Variants in SCARA5 observed in about 807,000 individuals in gnomAD.
SCARA5 encodes the protein scavenger receptor class A, member 5 (putative).
A neutral mutation model predicts 46.3 loss-of-function variants in SCARA5; 45 were observed. The observed-to-expected ratio is 0.97, with a 90% CI of 0.76 to 1.24. The LOEUF is 1.24. Ranked by LOEUF, SCARA5 falls within the 50% of genes most tolerant of loss-of-function variation. SCARA5 has a pLI of 0.00. For synonymous variants in SCARA5, 333 were observed against 306.5 expected (o/e 1.09, Z -0.90); for missense variants, 680 against 689.0 (o/e 0.99, Z 0.15).
chr8:27,930,065 A>G (rs746681444), intron 3 of SCARA5, among the ~76,000 whole-genome samples: 1 of 152,164 alleles, frequency 6.6e-6, no homozygotes, highest in Non-Finnish European at 1.5e-5. Flanking sequence ...GGCAGATAGT[A>G]TCACCGCTTC....
At chr8:27,954,569 T>C (rs1808178698) in intron 3 of SCARA5, among the ~76,000 whole-genome samples, 1 of 152,218 alleles carries the variant, frequency 6.6e-6, no homozygotes, top group African/African-American at 2.4e-5. Flanking sequence ...TACTCCTTTG[T>C]GTTAACTGTC....
In SCARA5 at chr8:27,922,186, G is replaced by A. The variant is rs764161912; in HGVS notation, c.301C>T (p.Leu101=). Residue 101 remains leucine, a synonymous_variant, in exon 4 of 9, where the codon CTG becomes TTG. Transcript: ENST00000354914. The part of the protein sequence containing the change: ...LKALTRNVNR[L]NESFRDLQLR... Reference sequence around the variant, plus strand: ...TGCAAGTCCCGGAAGCTCTCATTCAGCCGGTTCACATTGCGAGTCAGGGCC... The same window carrying A: ...TGCAAGTCCCGGAAGCTCTCATTCAACCGGTTCACATTGCGAGTCAGGGCC... The A allele has an allele frequency of 1.4e-5, 22 of 1,604,796 alleles. No homozygotes were observed. The Admixed American group carries it at 3.6e-4, about 26-fold the overall frequency.
intron 7 of SCARA5, among the ~76,000 whole-genome samples, chr8:27,900,577 T>G (rs952306831): frequency 6.6e-6 from 1 of 152,228 alleles, no homozygotes. Context: ...GTCATCTGCA[T>G]ATTTTTTTTC....
At position 27,904,907 on chromosome 8, in the gene SCARA5, A is replaced by G. The variant is rs1272654882; in HGVS notation, c.1097-73T>C. The G allele has an allele frequency of 6.9e-6, 9 of 1,297,558 alleles. No homozygotes were observed. In the Admixed American group the frequency reaches 1.8e-4, roughly 26 times the overall value. 80.4% of individuals were successfully genotyped at this position (1,297,558 alleles called of 1,614,324 possible). A position where few individuals can be genotyped will look rare whatever the true frequency, so the allele number is the denominator to read the frequency against. ...TTGTGAATAAAATATTACCTGCAGG[A>G]GATTGATGAACTCGAGACCAGAGAA... On this transcript the variant is annotated intron_variant, in intron 6 of 8. Transcript: ENST00000354914.
intron 2 of SCARA5, among the ~76,000 whole-genome samples, 156 bp downstream of exon 2, chr8:27,987,348 G>A (rs1808719417): frequency 6.6e-6 from 1 of 152,220 alleles, no homozygotes; most frequent in Non-Finnish European, 1.5e-5. Flanking sequence ...GAAAACCCAT[G>A]GAGAAGACCT....
intron 1 of SCARA5, among the ~76,000 whole-genome samples, chr8:27,989,053 C>T (rs762697225): frequency 7.6e-5 from 11 of 145,140 alleles, no homozygotes; most frequent in Non-Finnish European, 1.4e-4. Flanking sequence ...AGGCGGCTGG[C>T]GGGGTTGCTC....
Position 27,907,254 on chromosome 8 carries a change from G to C in SCARA5, c.998-8C>G. On this transcript the variant is annotated splice_polypyrimidine_tract_variant and splice_region_variant and intron_variant, in intron 5 of 8. Coordinates refer to ENST00000354914, the MANE Select transcript of SCARA5 (RefSeq NM_173833.6). ...CTCTCTCCCCGGGCAGACCTGGGGA[G>C]AAAACAGACAAATGGCAGAGCCTCA... 1 of 1,602,530 alleles carries C rather than the reference G, an allele frequency of 6.2e-7. No individual in the cohort carries two copies. Among genetic ancestry groups the C allele is most frequent in the Non-Finnish European group, 8.5e-7 (1 of 1,171,016 alleles).
rs113542902 is a variant in SCARA5, at chr8:27,976,956, C to G, written c.113-10414G>C. ...CCCTCAGTCCTGGCTTAGCCAGCCC[C>G]CCTGCCTTAGTCCAGGCTGCCACAG... On this transcript the variant is annotated intron_variant, in intron 2 of 8. Coordinates refer to ENST00000354914, the MANE Select transcript of SCARA5 (RefSeq NM_173833.6). Among the ~76,000 whole-genome samples the G allele has an allele frequency of 2.4e-3, 369 of 152,356 alleles. 3 individuals carry two copies. The highest frequency in any genetic ancestry group is 8.3e-3 in the African/African-American group (346 of 41,586).
chr8:27,987,680 A>G (rs1005290735), intron 1 of SCARA5, 50 bp from the exon 2 acceptor site: 12 of 1,088,244 alleles, frequency 1.1e-5, no homozygotes, highest in Non-Finnish European at 1.4e-5. Context: ...GCCGGGAGAG[A>G]GACAGAGAAT....
At chr8:27,890,803 T>A (rs1806968524) in intron 7 of SCARA5, among the ~76,000 whole-genome samples, 1 of 152,220 alleles carries the variant, frequency 6.6e-6, no homozygotes, top group African/African-American at 2.4e-5. Context: ...TCATTCTATA[T>A]CCCCGCCTTG....
At chr8:27,934,006 G>A (rs775831853) in intron 3 of SCARA5, among the ~76,000 whole-genome samples, 3 of 152,206 alleles carry the variant, frequency 2.0e-5, no homozygotes. Context: ...GATGGTGGAA[G>A]AATTTTCTCA....
chr8:27,933,839 A>G (rs77852544), intron 3 of SCARA5, among the ~76,000 whole-genome samples: 8,604 of 152,270 alleles, frequency 0.057, 645 homozygotes, highest in African/African-American at 0.17. Flanking sequence ...GCAGTCATCA[A>G]AATCATAATT....
chr8:27,892,605 C>CT (rs1224026831), intron 7 of SCARA5, among the ~76,000 whole-genome samples: 2,046 of 119,642 alleles, frequency 0.017, 175 homozygotes, highest in Non-Finnish European at 0.024. Flanking sequence ...CATACCTCAC[C>CT]CTTTTTTTTT....
At chr8:27,952,345 G>T (rs932083517) in intron 3 of SCARA5, among the ~76,000 whole-genome samples, 1 of 152,114 alleles carries the variant, frequency 6.6e-6, no homozygotes, top group African/African-American at 2.4e-5. Context: ...GGTACTTTGA[G>T]CAGTCCTAGG....
chr8:27,964,993 C>T lies in SCARA5; in HGVS notation c.241+1421G>A, dbSNP rs79203168. On this transcript the variant is annotated intron_variant, in intron 3 of 8. Coordinates refer to ENST00000354914, the MANE Select transcript of SCARA5 (RefSeq NM_173833.6). The stretch of plus-strand genomic sequence containing the variant: ...GATCCCAAGCTCTCACCAAGCAGCC[C>T]GAGAACATGTTCAAATCCTCCTCTG... 7.9e-5 allele frequency among the ~76,000 whole-genome samples: 12 copies of T among 152,318 alleles called. No homozygotes were observed. In the East Asian group the frequency reaches 1.4e-3, roughly 17 times the overall value.
At chr8:27,938,617 G>A (rs1450911554) in intron 3 of SCARA5, among the ~76,000 whole-genome samples, 2 of 152,190 alleles carry the variant, frequency 1.3e-5, no homozygotes, top group Admixed American at 1.3e-4. Context: ...TCATCGACAG[G>A]CAATGCAGGA....
rs1216684675 is a variant in SCARA5, at chr8:27,870,358, C to T, written c.*1576G>A. 2 of 152,238 alleles carry T rather than the reference C, an allele frequency of 1.3e-5. No homozygotes were observed. Among genetic ancestry groups the T allele is most frequent in the Non-Finnish European group, 2.9e-5 (2 of 68,008 alleles). The allele number at this position is 152,238 out of a possible 1,614,324, so 9.4% of individuals were successfully genotyped here. On this transcript the variant is annotated 3_prime_UTR_variant, in exon 9 of 9. Coordinates refer to ENST00000354914, the MANE Select transcript of SCARA5 (RefSeq NM_173833.6). ...GTACATGCGTGTTATGTAAACATAG[C>T]AATTGGTCAGAAAGAGAGTTTCTCA...
At chr8:27,913,448 T>C (rs1807411156) in intron 4 of SCARA5, among the ~76,000 whole-genome samples, 1 of 152,242 alleles carries the variant, frequency 6.6e-6, no homozygotes, top group African/African-American at 2.4e-5. Context: ...TTACTGACAC[T>C]ATCCTTTCTT....
chr8:27,972,618 C>A (rs2685394), intron 2 of SCARA5, among the ~76,000 whole-genome samples: 29,463 of 152,152 alleles, frequency 0.19, 2,971 homozygotes, highest in East Asian at 0.24. Context: ...AATCCCAGCA[C>A]TTCAGGAGGC....
Sources: allele counts gnomAD v4.1 joint callset (sites outside exome capture counted in the v4.1 genomes callset), GRCh38; gene constraint gnomAD v4.1.1; transcripts MANE v1.5; gene names NCBI Gene and HGNC (gene_info 2026-07-23, HGNC 2026-07-21).